METTL22: variants seen among roughly 807,000 people sequenced by gnomAD.
METTL22 encodes the protein methyltransferase-like protein 22.
METTL22 carries 51 observed loss-of-function variants against 48.4 expected under a neutral mutation model. The ratio of observed to expected loss-of-function variants is 1.05; its 90% CI spans 0.84 to 1.33. METTL22 has a LOEUF of 1.33. Ranked by LOEUF, METTL22 falls within the 40% of genes most tolerant of loss-of-function variation. The probability of loss-of-function intolerance (pLI) is 0.00; values close to 1 mark genes in which losing one functional copy is unlikely to be tolerated. For missense variants in METTL22, 678 were observed against 526.9 expected, an observed-to-expected ratio of 1.29 and a Z score of -2.81; for synonymous variants, 255 against 214.1, an observed-to-expected ratio of 1.19 and a Z score of -1.67.
downstream of METTL22, among the ~76,000 whole-genome samples, chr16:8,651,231 CA>C: frequency 6.6e-6 from 1 of 151,062 alleles, no homozygotes; most frequent in East Asian, 2.0e-4. Context: ...ACTAAAAATA[CA>C]AAAAATTAGC....
chr16:8,642,972 C>G (rs576706344), intron 9 of METTL22: 59 of 212,304 alleles, frequency 2.8e-4, no homozygotes, highest in Admixed American at 5.6e-4. Flanking sequence ...GTCTCTTTCT[C>G]TTGCTGAATC....
intron 8 of METTL22, 32 bp downstream of exon 8, chr16:8,642,239 C>T: frequency 1.3e-6 from 2 of 1,573,354 alleles, no homozygotes; most frequent in African/African-American, 2.7e-5. Flanking sequence ...CGTACACGTC[C>T]TTTGTTGTAG....
intron 7 of METTL22, chr16:8,641,917 C>T: frequency 1.6e-6 from 1 of 610,428 alleles, no homozygotes; most frequent in Non-Finnish European, 2.9e-6. Context: ...AGCAGACACT[C>T]AGCAGAAAAG....
At chr16:8,630,301 G>A (rs906568893) in intron 3 of METTL22, among the ~76,000 whole-genome samples, 2 of 152,216 alleles carry the variant, frequency 1.3e-5, no homozygotes, top group African/African-American at 2.4e-5. Flanking sequence ...CCAGTTCCAT[G>A]TATCCCATGG....
intron 3 of METTL22, among the ~76,000 whole-genome samples, chr16:8,633,968 G>C (rs906123811): frequency 4.6e-5 from 7 of 152,228 alleles, no homozygotes; most frequent in African/African-American, 1.7e-4. Flanking sequence ...CTTTGCATCA[G>C]GTGGTTCGGC....
chr16:8,653,043 C>G (rs2056921462), downstream of METTL22, among the ~76,000 whole-genome samples: 1 of 152,214 alleles, frequency 6.6e-6, no homozygotes, highest in Non-Finnish European at 1.5e-5. Flanking sequence ...TGCTGCTCAA[C>G]CAATGCATGC....
chr16:8,639,595 C>T (rs1489562256), intron 6 of METTL22: 2 of 202,570 alleles, frequency 9.9e-6, no homozygotes, highest in Non-Finnish European at 2.1e-5. Flanking sequence ...CTCCCTGGCC[C>T]AGCCCCGGCC....
chr16:8,666,359 A>G, the METTL22 span, among the ~76,000 whole-genome samples: 1 of 152,186 alleles, frequency 6.6e-6, no homozygotes, highest in Non-Finnish European at 1.5e-5. Context: ...CCCACACCTT[A>G]TTATCGACCC....
chr16:8,626,264 C>G (rs1432111810), intron 2 of METTL22, among the ~76,000 whole-genome samples: 1 of 152,142 alleles, frequency 6.6e-6, no homozygotes. Context: ...CCTGGGATTA[C>G]AGGCAAGCTG....
downstream of METTL22, among the ~76,000 whole-genome samples, chr16:8,652,106 G>C (rs2056907997): frequency 6.6e-6 from 1 of 152,182 alleles, no homozygotes. Flanking sequence ...AGTTGGGGGA[G>C]AAATGCTGCC....
intron 3 of METTL22, among the ~76,000 whole-genome samples, chr16:8,633,966 C>T (rs1224283013): frequency 1.3e-5 from 2 of 152,216 alleles, no homozygotes; most frequent in African/African-American, 4.8e-5. Flanking sequence ...AACTTTGCAT[C>T]AGGTGGTTCG....
chr16:8,625,528 T>C lies in METTL22; in HGVS notation c.-138T>C, dbSNP rs3180118. The C allele has an allele frequency of 0.12, 77,851 of 640,936 alleles. 5,963 individuals carry two copies. Among genetic ancestry groups the C allele is most frequent in the African/African-American group, 0.26 (14,359 of 54,470 alleles). The allele number at this position is 640,936 out of a possible 1,614,324, so 39.7% of individuals were successfully genotyped here. ...CTCTTCCCTGGCCAAGTCTCTGAGATCTTCTCCCAGGGCGATGCAAAGCTA... is the reference window on the plus strand; with the variant it reads ...CTCTTCCCTGGCCAAGTCTCTGAGACCTTCTCCCAGGGCGATGCAAAGCTA... On this transcript the variant is annotated 5_prime_UTR_variant, in exon 2 of 11. Transcript: ENST00000381920.
the METTL22 span, among the ~76,000 whole-genome samples, chr16:8,662,401 C>T: frequency 6.9e-6 from 1 of 144,930 alleles, no homozygotes; most frequent in African/African-American, 2.6e-5. Flanking sequence ...TATGCTGTGC[C>T]ATTGTCTTTG....
In METTL22 at chr16:8,639,171, C is replaced by CA; in HGVS notation, c.772+10dup. The CA allele has an allele frequency of 1.2e-6, 2 of 1,613,810 alleles. No homozygotes were observed. The highest frequency in any genetic ancestry group is 1.7e-6 in the Non-Finnish European group (2 of 1,179,892). On this transcript the variant is annotated intron_variant, in intron 6 of 10. Coordinates refer to ENST00000381920, the MANE Select transcript of METTL22 (RefSeq NM_024109.4). The stretch of plus-strand genomic sequence containing the variant: ...CCTGGCTGCCACTGGAGGTGAGGCC[C>CA]AGGGGGTCTTCTGCCAGGGAGGGAG...
chr16:8,622,927 G>A (rs888793037), intron 1 of METTL22, among the ~76,000 whole-genome samples: 1 of 152,186 alleles, frequency 6.6e-6, no homozygotes, highest in African/African-American at 2.4e-5. Flanking sequence ...TTTTTTGTGT[G>A]TGTCTATACT....
chr16:8,640,085 C>T (rs2056549681), intron 6 of METTL22, among the ~76,000 whole-genome samples: 1 of 152,204 alleles, frequency 6.6e-6, no homozygotes, highest in Non-Finnish European at 1.5e-5. Context: ...TGCATTTTAC[C>T]ATCTGCTCGT....
At chr16:8,653,980 C>T (rs992398656), downstream of METTL22, among the ~76,000 whole-genome samples, 5 of 152,110 alleles carry the variant, frequency 3.3e-5, no homozygotes, top group Admixed American at 1.3e-4. Context: ...CCCATGAGTA[C>T]ACCACTGCAC....
Position 8,646,708 on chromosome 16 carries a change from A to G in METTL22, c.*565A>G, listed in dbSNP as rs2056808834. ...CCTTTGTATTTAATTTTAACTCTTT[A>G]TCACCCAAATCAGGTACGTTTGGAA... On this transcript the variant is annotated 3_prime_UTR_variant, in exon 11 of 11. Coordinates refer to ENST00000381920, the MANE Select transcript of METTL22 (RefSeq NM_024109.4). The G allele has an allele frequency of 2.2e-6, 1 of 454,694 alleles. No homozygotes were observed. Among genetic ancestry groups the G allele is most frequent in the Non-Finnish European group, 4.4e-6 (1 of 225,334 alleles). 28.2% of individuals were successfully genotyped at this position (454,694 alleles called of 1,614,324 possible). A position where few individuals can be genotyped will look rare whatever the true frequency, so the allele number is the denominator to read the frequency against.
downstream of METTL22, among the ~76,000 whole-genome samples, chr16:8,651,759 CAGAGAG>C (rs556512739): frequency 4.9e-4 from 74 of 152,254 alleles, no homozygotes; most frequent in Non-Finnish European, 9.0e-4. Flanking sequence ...GGGCAACCCT[CAGAGAG>C]AGAGAAAAGT....
Sources: allele counts gnomAD v4.1 joint callset (sites outside exome capture counted in the v4.1 genomes callset), GRCh38; gene constraint gnomAD v4.1.1; transcripts MANE v1.5; gene names NCBI Gene and HGNC (gene_info 2026-07-23, HGNC 2026-07-21).